The following DPP8 variants were observed in gnomAD, a reference collection of about 807,000 sequenced individuals.
The protein encoded by DPP8 is DPP VIII.
In DPP8, 31 loss-of-function variants were observed where a neutral mutation model predicts 107.5. The observed-to-expected ratio is 0.29, with a 90% CI of 0.22 to 0.39. The LOEUF (loss-of-function observed/expected upper bound fraction) is 0.39, where lower values mean the gene tolerates loss of function less well. Ranked by LOEUF, DPP8 falls within the 10% of genes least tolerant of loss-of-function variation. The pLI, the probability that DPP8 is intolerant of heterozygous loss-of-function variation, is 1.00. For missense variants in DPP8, 842 were observed against 1,076.1 expected (o/e 0.78, Z 3.04); for synonymous variants, 381 against 356.6 (o/e 1.07, Z -0.77).
chr15:65,469,653 CAAA>C (rs61311948), intron 12 of DPP8, among the ~76,000 whole-genome samples: 702 of 66,508 alleles, frequency 0.011, 8 homozygotes, highest in African/African-American at 0.037. Context: ...AACTCCGTCT[CAAA>C]AAAAAAAAAA....
rs1026315551 is a variant in DPP8 at position 65,449,054 on chromosome 15, A to C, written c.2526+1945T>G. On this transcript the variant is annotated intron_variant, in intron 19 of 19. Coordinates refer to ENST00000300141, the MANE Select transcript of DPP8 (RefSeq NM_130434.5). ...GAAACCCTGTCTCTACTAAAAGTACAAAAAAATTAGCTGGGCATAGTGGTA... is the reference window on the plus strand; with the variant it reads ...GAAACCCTGTCTCTACTAAAAGTACCAAAAAATTAGCTGGGCATAGTGGTA... Among the ~76,000 whole-genome samples the C allele has an allele frequency of 5.6e-5, 8 of 143,462 alleles. No homozygotes were observed. In the South Asian group the frequency reaches 1.7e-3, roughly 31 times the overall value. 94.1% of individuals were successfully genotyped at this position (143,462 alleles called of 152,430 possible). A position where few individuals can be genotyped will look rare whatever the true frequency, so the allele number is the denominator to read the frequency against.
At chr15:65,452,985 A>G (rs1567136354) in intron 17 of DPP8, among the ~76,000 whole-genome samples, 1 of 152,172 alleles carries the variant, frequency 6.6e-6, no homozygotes, top group Non-Finnish European at 1.5e-5. Flanking sequence ...ATAAAATAAA[A>G]TAAAATTTTA....
At chr15:65,459,017 ATTCT>A (rs769620325) in intron 15 of DPP8, 2 of 147,026 alleles carry the variant, frequency 1.4e-5, no homozygotes, top group African/African-American at 2.5e-5. Context: ...TGAACACCAG[ATTCT>A]TTATTTTTTT....
At chr15:65,508,512 T>C (rs1045413134) in intron 2 of DPP8, among the ~76,000 whole-genome samples, 2 of 152,082 alleles carry the variant, frequency 1.3e-5, no homozygotes, top group Admixed American at 1.3e-4. Context: ...GTTATGAAGA[T>C]ATGAACCAAA....
Position 65,491,337 on chromosome 15 carries a change from GAGT to G in DPP8, c.716-1041_716-1039del, listed in dbSNP as rs1043183466. Reference sequence around the variant, plus strand: ...GGTTATCTCCAAGCAGTGAGATTTTGAGTAGGATTTAAAAATTGCTTTATAATT... The same window carrying G: ...GGTTATCTCCAAGCAGTGAGATTTTGAGGATTTAAAAATTGCTTTATAATT... On this transcript the variant is annotated intron_variant, in intron 5 of 19. Transcript: ENST00000300141. Among the ~76,000 whole-genome samples the G allele has an allele frequency of 7.9e-5, 12 of 152,108 alleles. No individual in the cohort carries two copies. In the South Asian group the frequency reaches 8.3e-4, roughly 11 times the overall value.
At chr15:65,458,264 CTTT>C (rs146315273) in intron 15 of DPP8, among the ~76,000 whole-genome samples, 7,299 of 151,814 alleles carry the variant, frequency 0.048, 584 homozygotes, top group African/African-American at 0.17. Context: ...GTTACACAAA[CTTT>C]TTTTGTTTTT....
At chr15:65,473,166 A>T (rs1404689901) in intron 12 of DPP8, among the ~76,000 whole-genome samples, 4 of 151,560 alleles carry the variant, frequency 2.6e-5, no homozygotes, top group Non-Finnish European at 5.9e-5. Context: ...CTCTCCTAAA[A>T]ATACAAAAAT....
At position 65,455,724 on chromosome 15, in the gene DPP8, A is replaced by G. The variant is rs899197739; in HGVS notation, c.2118+501T>C. ...CCCCATGTCTTACTCAGCATGTCCA[A>G]TAACACTGGCAAACACAGTAACTGC... On this transcript the variant is annotated intron_variant, in intron 16 of 19. Transcript: ENST00000300141. 14 of 1,258,942 alleles carry G rather than the reference A, an allele frequency of 1.1e-5. No individual in the cohort carries two copies. In the East Asian group the frequency reaches 2.8e-4, roughly 25 times the overall value. 78.0% of individuals were successfully genotyped at this position (1,258,942 alleles called of 1,614,324 possible).
At chr15:65,476,294 T>G (rs2140657398) in intron 11 of DPP8, among the ~76,000 whole-genome samples, 1 of 152,246 alleles carries the variant, frequency 6.6e-6, no homozygotes, top group East Asian at 1.9e-4. Context: ...ATTTAGTACT[T>G]TAAATACTAT....
intron 19 of DPP8, 148 bp from the exon 20 acceptor site, chr15:65,447,154 C>T (rs2063539213): frequency 1.9e-6 from 1 of 516,166 alleles, no homozygotes. Flanking sequence ...TATCTAAACG[C>T]TCCTCTCTTC....
chr15:65,453,712 G>A (rs1461195599), intron 17 of DPP8, among the ~76,000 whole-genome samples: 3 of 151,970 alleles, frequency 2.0e-5, no homozygotes, highest in African/African-American at 4.8e-5. Context: ...GCGAGACTCC[G>A]TCTCAAAACA....
intron 15 of DPP8, chr15:65,458,851 T>C (rs143613448): frequency 1.6e-4 from 24 of 152,216 alleles, no homozygotes; most frequent in African/African-American, 5.5e-4. Flanking sequence ...ACAATGTTAT[T>C]ATGTGCTATT....
At chr15:65,491,219 GAATAA>G (rs2068002449) in intron 5 of DPP8, among the ~76,000 whole-genome samples, 1 of 146,422 alleles carries the variant, frequency 6.8e-6, no homozygotes, top group African/African-American at 2.5e-5. Flanking sequence ...CAATATACTT[GAATAA>G]AATAAATCAG....
intron 2 of DPP8, among the ~76,000 whole-genome samples, chr15:65,508,924 T>G (rs1337973987): frequency 6.6e-6 from 1 of 151,724 alleles, no homozygotes; most frequent in African/African-American, 2.4e-5. Context: ...CACACAAAAA[T>G]AACAAGAAAT....
chr15:65,444,930 A>C lies in DPP8; in HGVS notation c.*1954T>G, dbSNP rs952159013. The C allele has an allele frequency of 1.3e-5, 2 of 152,220 alleles. No individual in the cohort carries two copies. Among genetic ancestry groups the C allele is most frequent in the African/African-American group, 4.8e-5 (2 of 41,440 alleles). The allele number at this position is 152,220 out of a possible 1,614,324, so 9.4% of individuals were successfully genotyped here. On this transcript the variant is annotated 3_prime_UTR_variant, in exon 20 of 20. Transcript: ENST00000300141. The stretch of plus-strand genomic sequence containing the variant: ...CAAAACACCCTCCACAGTCAGATAT[A>C]TACTTAAGGGGGAAAATACTTTCTT...
At chr15:65,461,301 C>T (rs1490771659) in intron 15 of DPP8, among the ~76,000 whole-genome samples, 3 of 152,008 alleles carry the variant, frequency 2.0e-5, no homozygotes, top group South Asian at 2.1e-4. Flanking sequence ...TGAGCCACCA[C>T]GCCTAGCTAA....
intron 19 of DPP8, among the ~76,000 whole-genome samples, chr15:65,449,437 G>A (rs2063803996): frequency 6.6e-6 from 1 of 151,032 alleles, no homozygotes; most frequent in Non-Finnish European, 1.5e-5. Flanking sequence ...TTAAGACAGA[G>A]TCCACTCTGT....
At chr15:65,511,136 T>C (rs1243981386) in intron 2 of DPP8, among the ~76,000 whole-genome samples, 1 of 152,212 alleles carries the variant, frequency 6.6e-6, no homozygotes, top group African/African-American at 2.4e-5. Flanking sequence ...TATTCATACA[T>C]GTGCAAAATG....
rs759393805 is a variant in DPP8, at chr15:65,474,259, T to C, written c.1486A>G (p.Ile496Val). The change falls in exon 12 of 20, where the codon ATA (isoleucine) becomes GTA (valine). Residue 496 changes from isoleucine (I) to valine (V), a missense_variant. By Grantham distance (29) the Ile-to-Val change is conservative. This residue lies in a region of DPP8 where 663 missense variants were observed against 758.0 expected (regional missense o/e 0.87). Transcript: ENST00000300141. The stretch of plus-strand genomic sequence containing the variant: ...TCCCATTCACCACTGGTAATTGCTA[T>C]CTCCTCTTTGATAGGACACTTGAAA... The part of the protein sequence containing the change: ...SDFKCPIKEE[I>V]AITSGEWEVL... 2.5e-6 allele frequency: 4 copies of C among 1,612,328 alleles called. No homozygotes were observed. The highest frequency in any genetic ancestry group is 2.7e-5 in the African/African-American group (2 of 74,914).
Sources: gnomAD v4.1 joint callset for allele counts (sites outside exome capture counted in the v4.1 genomes callset) on GRCh38, gnomAD v4.1.1 for gene constraint, gnomAD v4.1.1 regional missense constraint, MANE v1.5 for transcripts, NCBI Gene and HGNC (gene_info 2026-07-23, HGNC 2026-07-21) for gene names.